The following WTIP variants were observed in gnomAD, a reference collection of about 807,000 sequenced individuals.
WTIP encodes WT1 interacting protein.
WTIP carries 23 observed loss-of-function variants against 41.7 expected under a neutral mutation model. That is an observed-to-expected ratio of 0.55 (90% CI 0.40 to 0.78). WTIP has a LOEUF of 0.78. WTIP is among the 30% of genes least tolerant of loss of function. The pLI, the probability that WTIP is intolerant of heterozygous loss-of-function variation, is 0.00. For synonymous variants in WTIP, 314 were observed against 269.9 expected, an observed-to-expected ratio of 1.16 and a Z score of -1.60; for missense variants, 619 against 610.5, an observed-to-expected ratio of 1.01 and a Z score of -0.15.
chr19:34,490,130 A>T (rs939106457), intron 1 of WTIP, among the ~76,000 whole-genome samples: 1 of 152,208 alleles, frequency 6.6e-6, no homozygotes, highest in African/African-American at 2.4e-5. Context: ...GACAGCTTTG[A>T]TTAGCTCCGA....
intron 1 of WTIP, among the ~76,000 whole-genome samples, chr19:34,486,150 G>A (rs2075796091): frequency 6.6e-6 from 1 of 152,098 alleles, no homozygotes; most frequent in Non-Finnish European, 1.5e-5. Flanking sequence ...GCAGTCCTTA[G>A]TGGTAACTCC....
chr19:34,496,967 A>G (rs1007270246), intron 7 of WTIP, among the ~76,000 whole-genome samples: 16 of 151,954 alleles, frequency 1.1e-4, no homozygotes, highest in Admixed American at 9.2e-4. Flanking sequence ...GGTTCAAGCA[A>G]TTCTCCTGCC....
intron 1 of WTIP, among the ~76,000 whole-genome samples, chr19:34,485,645 G>T (rs898477791): frequency 6.6e-6 from 1 of 151,274 alleles, no homozygotes; most frequent in African/African-American, 2.4e-5. Context: ...CTAGGCTGGA[G>T]TGCAGTGGTG....
intron 2 of WTIP, 132 bp downstream of exon 2, chr19:34,490,609 G>T (rs959863713): frequency 6.3e-6 from 6 of 956,416 alleles, no homozygotes; most frequent in Non-Finnish European, 9.6e-6. Flanking sequence ...GGCTGTGGAG[G>T]ACTCTGTCTG....
chr19:34,507,298 A>G lies in WTIP; in HGVS notation c.*7029A>G, dbSNP rs1030456807. ...TTATTATTAGATAGCAGTGTCACTA[A>G]TAAGTTTTAAGTTGTCCAGAGTTAA... On this transcript the variant is annotated 3_prime_UTR_variant, in exon 8 of 8. Coordinates refer to ENST00000590071, the MANE Select transcript of WTIP (RefSeq NM_001080436.2). 2 of 151,976 alleles carry G rather than the reference A, an allele frequency of 1.3e-5. No homozygotes were observed. Among genetic ancestry groups the G allele is most frequent in the Non-Finnish European group, 2.9e-5 (2 of 67,994 alleles). 9.4% of individuals were successfully genotyped at this position (151,976 alleles called of 1,614,324 possible).
At position 34,511,805 on chromosome 19, in the gene WTIP, T is replaced by C. The variant is rs2075934024; in HGVS notation, c.*11536T>C. On this transcript the variant is annotated 3_prime_UTR_variant, in exon 8 of 8. Coordinates refer to ENST00000590071, the MANE Select transcript of WTIP (RefSeq NM_001080436.2). ...TGGCCATGGGCTTCCCTTTTGTGAG[T>C]TGCCTGTGAATGTCCTTTTCCCAGT... 6.6e-6 allele frequency: 1 copy of C among 152,222 alleles called. No individual in the cohort carries two copies. Among genetic ancestry groups the C allele is most frequent in the South Asian group, 2.1e-4 (1 of 4,832 alleles). The allele number at this position is 152,222 out of a possible 1,614,324, so 9.4% of individuals were successfully genotyped here. A position where few individuals can be genotyped will look rare whatever the true frequency, so the allele number is the denominator to read the frequency against.
intron 1 of WTIP, among the ~76,000 whole-genome samples, chr19:34,489,327 G>A (rs1002575885): frequency 1.2e-4 from 19 of 152,120 alleles, no homozygotes; most frequent in Non-Finnish European, 7.3e-5. Context: ...GGACCTGGGT[G>A]CATTGCAGAC....
At position 34,493,161 on chromosome 19, in the gene WTIP, C is replaced by T. The variant is rs769027467; in HGVS notation, c.837+57C>T. On this transcript the variant is annotated intron_variant, in intron 3 of 7. Transcript: ENST00000590071. This position sits in a 1 kb window ranked among gnomAD's most constrained non-coding sequence, Gnocchi z 4.1. ...GGGTGGGAGGTGGGGCAGGGACCCT[C>T]ATTCTGACTCGAGTGGAGACCTGAG... The T allele has an allele frequency of 1.9e-6, 3 of 1,613,268 alleles. No homozygotes were observed. Among genetic ancestry groups the T allele is most frequent in the Non-Finnish European group, 2.5e-6 (3 of 1,179,268 alleles).
In WTIP at chr19:34,511,429, G is replaced by T. The variant is rs937461446; in HGVS notation, c.*11160G>T. ...GAGTACAATTCAAGATGAGATTTCG[G>T]TGGGGACACAGAGCCAAACCGTATC... On this transcript the variant is annotated 3_prime_UTR_variant, in exon 8 of 8. Coordinates refer to ENST00000590071, the MANE Select transcript of WTIP (RefSeq NM_001080436.2). 1 of 152,066 alleles carries T rather than the reference G, an allele frequency of 6.6e-6. No homozygotes were observed. Among genetic ancestry groups the T allele is most frequent in the Non-Finnish European group, 1.5e-5 (1 of 68,022 alleles). 9.4% of individuals were successfully genotyped at this position (152,066 alleles called of 1,614,324 possible).
rs1688758671 is a variant in WTIP, at chr19:34,511,549, C to T, written c.*11280C>T. On this transcript the variant is annotated 3_prime_UTR_variant, in exon 8 of 8. Transcript: ENST00000590071. Reference sequence around the variant, plus strand: ...TATTTACCAAGGATCAAGACCTGAACATGAAAATGGCAGGCCAAGGGTTCC... The same window carrying T: ...TATTTACCAAGGATCAAGACCTGAATATGAAAATGGCAGGCCAAGGGTTCC... 2 of 152,144 alleles carry T rather than the reference C, an allele frequency of 1.3e-5. No individual in the cohort carries two copies. The highest frequency in any genetic ancestry group is 2.4e-5 in the African/African-American group (1 of 41,412). 9.4% of individuals were successfully genotyped at this position (152,144 alleles called of 1,614,324 possible). A position where few individuals can be genotyped will look rare whatever the true frequency, so the allele number is the denominator to read the frequency against.
At chr19:34,500,101 T>TGGGGCTG in intron 7 of WTIP, 28 bp from the exon 8 acceptor site, 1 of 1,596,504 alleles carries the variant, frequency 6.3e-7, no homozygotes, top group Non-Finnish European at 8.5e-7. Context: ...CTGCTGACTC[T>TGGGGCTG]GGGGCTGGGG....
At chr19:34,500,073 C>T (rs1188024473) in intron 7 of WTIP, 56 bp from the exon 8 acceptor site, 1 of 1,582,420 alleles carries the variant, frequency 6.3e-7, no homozygotes, top group African/African-American at 1.3e-5. Flanking sequence ...CGTCCCGTGA[C>T]CTCTGATGTG....
chr19:34,482,468 GC>G lies in WTIP; in HGVS notation c.498del (p.Ala167ArgfsTer134). On this transcript the variant is annotated frameshift_variant, in exon 1 of 8. Transcript: ENST00000590071. LOFTEE classifies it high-confidence loss of function. ...AYADFLPPGA[C>X]PAPARSPEPA... Reference sequence around the variant, plus strand: ...GCTGACTTCCTCCCGCCCGGCGCCTGCCCCGCGCCCGCTCGCTCCCCGGAGC... The same window carrying G: ...GCTGACTTCCTCCCGCCCGGCGCCTGCCCGCGCCCGCTCGCTCCCCGGAGC... 2 of 1,253,654 alleles carry G rather than the reference GC, an allele frequency of 1.6e-6. No individual in the cohort carries two copies. The highest frequency in any genetic ancestry group is 2.8e-5 in the South Asian group (1 of 35,454). The allele number at this position is 1,253,654 out of a possible 1,614,324, so 77.7% of individuals were successfully genotyped here. A position where few individuals can be genotyped will look rare whatever the true frequency, so the allele number is the denominator to read the frequency against.
Position 34,493,274 on chromosome 19 carries a change from C to G in WTIP, c.849C>G (p.Phe283Leu). 1 of 1,613,646 alleles carries G rather than the reference C, an allele frequency of 6.2e-7. No individual in the cohort carries two copies. Among genetic ancestry groups the G allele is most frequent in the South Asian group, 1.1e-5 (1 of 91,036 alleles). The change falls in exon 4 of 8, where the codon TTC becomes TTG. Residue 283 changes from phenylalanine (F) to leucine (L), a missense_variant. Coordinates refer to ENST00000590071, the MANE Select transcript of WTIP (RefSeq NM_001080436.2). The surrounding 1 kb of genome is among the most constrained non-coding windows in gnomAD (Gnocchi z 4.1). ...GTGTCCCCTCCCAGTACTCCGGGTT[C>G]CAGCAGACGGCCGACAAATGCAGCG... ...YCQEDFLYSG[F>L]QQTADKCSVC... is the part of the protein sequence containing the mutation.
chr19:34,490,580 C>A, intron 2 of WTIP, 103 bp downstream of exon 2: 1 of 1,223,890 alleles, frequency 8.2e-7, no homozygotes, highest in Non-Finnish European at 1.2e-6. Context: ...GATGGACCAC[C>A]TGGCTCTGGC....
rs2145616195 is a variant in WTIP at position 34,504,268 on chromosome 19, G to C, written c.*3999G>C. The C allele has an allele frequency of 6.6e-6, 1 of 152,214 alleles. No homozygotes were observed. The highest frequency in any genetic ancestry group is 2.4e-5 in the African/African-American group (1 of 41,490). The allele number at this position is 152,214 out of a possible 1,614,324, so 9.4% of individuals were successfully genotyped here. On this transcript the variant is annotated 3_prime_UTR_variant, in exon 8 of 8. Coordinates refer to ENST00000590071, the MANE Select transcript of WTIP (RefSeq NM_001080436.2). ...GGAGAGAGGGATTGAACTGGAGCGA[G>C]ACCAACAGAGCCCTGACGCTGGGAT...
In WTIP at chr19:34,500,176, C is replaced by T. The variant is rs962285851; in HGVS notation, c.1200C>T (p.Pro400=). The change falls in exon 8 of 8, where the codon CCC becomes CCT. Residue 400 remains proline, a synonymous_variant. Transcript: ENST00000590071. ...GGGAGGAGGGACGCCGTTGCTATCC[C>T]CTGGCGGGCCACCTACTGTGTCGTC... ...LSGEEGRRCY[P]LAGHLLCRRC... 1.9e-6 allele frequency: 3 copies of T among 1,603,038 alleles called. No individual in the cohort carries two copies. The highest frequency in any genetic ancestry group is 1.3e-5 in the African/African-American group (1 of 74,920).
chr19:34,494,982 C>T (rs1052850063), intron 6 of WTIP, among the ~76,000 whole-genome samples: 13 of 152,144 alleles, frequency 8.5e-5, no homozygotes, highest in African/African-American at 2.2e-4. Flanking sequence ...GTGGTCTGTG[C>T]GGGAGCCACC....
chr19:34,489,931 C>G (rs1255070401), intron 1 of WTIP, among the ~76,000 whole-genome samples: 1 of 152,070 alleles, frequency 6.6e-6, no homozygotes, highest in East Asian at 1.9e-4. Flanking sequence ...GAGATCCTGT[C>G]TCTCTCCCAA....
Sources: allele counts gnomAD v4.1 joint callset (sites outside exome capture counted in the v4.1 genomes callset), GRCh38; gene constraint gnomAD v4.1.1; non-coding constraint Gnocchi (gnomAD v3.1); transcripts MANE v1.5; gene names NCBI Gene and HGNC (gene_info 2026-07-23, HGNC 2026-07-21).